The following ACAD10 variants were observed in gnomAD, a reference collection of about 807,000 sequenced individuals.
ACAD10 encodes ACAD-10.
ACAD10 carries 112 observed loss-of-function variants against 116.8 expected under a neutral mutation model. The observed-to-expected ratio is 0.96, with a 90% CI of 0.82 to 1.12. The LOEUF is 1.12. Among genes scored for constraint, ACAD10 ranks in the 50% most tolerant of loss-of-function variants. The pLI, the probability that ACAD10 is intolerant of heterozygous loss-of-function variation, is 0.00. For missense variants in ACAD10, 1,259 were observed against 1,350.2 expected (o/e 0.93, Z 1.06); for synonymous variants, 486 against 510.6 (o/e 0.95, Z 0.65).
chr12:111,702,498 A>AG (rs1888376309), intron 3 of ACAD10, among the ~76,000 whole-genome samples, 188 bp downstream of exon 3: 1 of 152,158 alleles, frequency 6.6e-6, no homozygotes, highest in African/African-American at 2.4e-5. Flanking sequence ...TGGGAGGCCC[A>AG]GGGGGTGGAT....
At chr12:111,710,048 G>A (rs919111138) in intron 5 of ACAD10, 15 of 331,884 alleles carry the variant, frequency 4.5e-5, no homozygotes, top group Admixed American at 4.2e-4. Flanking sequence ...TGTAAAGCAC[G>A]AGAAGCCATG....
At chr12:111,711,301 C>T (rs1380091705) in intron 5 of ACAD10, among the ~76,000 whole-genome samples, 1 of 152,018 alleles carries the variant, frequency 6.6e-6, no homozygotes, top group Non-Finnish European at 1.5e-5. Flanking sequence ...CCTGGGTTCA[C>T]GCCATTCTCC....
Position 111,736,990 on chromosome 12 carries a change from A to G in ACAD10, c.1700A>G (p.Lys567Arg), listed in dbSNP as rs1340682813. 15 of 1,613,578 alleles carry G rather than the reference A, an allele frequency of 9.3e-6. No homozygotes were observed. Among genetic ancestry groups the G allele is most frequent in the Admixed American group, 1.7e-5 (1 of 59,954 alleles). Reference protein sequence around the residue: ...RVAAILQGVYKRSLTGQASST... With the variant: ...RVAAILQGVYRRSLTGQASST... The stretch of plus-strand genomic sequence containing the variant: ...GCTGCAATCCTACAGGGAGTCTACA[A>G]GCGATCACTCACAGGTAATGGGATG... The change falls in exon 12 of 21, where the codon AAG becomes AGG. Residue 567 changes from lysine (K) to arginine (R), a missense_variant. By Grantham distance (26) the Lys-to-Arg change is conservative. Coordinates refer to ENST00000313698, the MANE Select transcript of ACAD10 (RefSeq NM_025247.6).
chr12:111,722,081 G>C (rs1311717110), intron 8 of ACAD10: 1 of 160,024 alleles, frequency 6.2e-6, no homozygotes, highest in Non-Finnish European at 1.3e-5. Context: ...CTGTCACCCA[G>C]ACTGGAGTCT....
chr12:111,708,133 C>T (rs1318178910), intron 4 of ACAD10, among the ~76,000 whole-genome samples: 1 of 152,210 alleles, frequency 6.6e-6, no homozygotes, highest in East Asian at 1.9e-4. Context: ...AAAACACTGA[C>T]CTTGTTCCCA....
chr12:111,748,377 CA>C lies in ACAD10; in HGVS notation c.2548del (p.Arg850AspfsTer17). The stretch of plus-strand genomic sequence containing the variant: ...ATGGGAAAAACAGACCCACATGCAC[CA>C]AGACACCGGCAGCAGTCTGTGCTCT... ...VFMGKTDPHA[P>X]RHRQQSVLLV... On this transcript the variant is annotated frameshift_variant, in exon 17 of 21. Transcript: ENST00000313698. LOFTEE classifies it high-confidence loss of function. The C allele has an allele frequency of 6.2e-7, 1 of 1,614,110 alleles. No individual in the cohort carries two copies. Among genetic ancestry groups the C allele is most frequent in the Non-Finnish European group, 8.5e-7 (1 of 1,180,026 alleles).
At chr12:111,728,501 C>T (rs1281717058) in intron 9 of ACAD10, among the ~76,000 whole-genome samples, 2 of 151,494 alleles carry the variant, frequency 1.3e-5, no homozygotes, top group African/African-American at 2.4e-5. Flanking sequence ...TATTTTTCTC[C>T]GTTTTTTACC....
At position 111,726,958 on chromosome 12, in the gene ACAD10, G is replaced by T. The variant is rs1170403694; in HGVS notation, c.1062-1004G>T. 2.0e-5 allele frequency among the ~76,000 whole-genome samples: 3 copies of T among 152,178 alleles called. No individual in the cohort carries two copies. The East Asian group carries it at 5.8e-4, about 29-fold the overall frequency. ...AACCTGGTTCCAACCAGGTGCAGTG[G>T]CTCACACACGTAATCCCAACACTTT... is the stretch of plus-strand genomic sequence containing the variant. On this transcript the variant is annotated intron_variant, in intron 8 of 20. Transcript: ENST00000313698.
chr12:111,744,403 C>T (rs1889830002), intron 12 of ACAD10, among the ~76,000 whole-genome samples: 1 of 152,212 alleles, frequency 6.6e-6, no homozygotes, highest in Non-Finnish European at 1.5e-5. Flanking sequence ...CCCTAACTTC[C>T]AGCTCGTCCA....
chr12:111,710,969 G>A (rs556854601), intron 5 of ACAD10, among the ~76,000 whole-genome samples: 115 of 152,126 alleles, frequency 7.6e-4, no homozygotes, highest in Non-Finnish European at 1.3e-3. Flanking sequence ...GTGTGGTTAG[G>A]AGTTAAATGG....
intron 6 of ACAD10, among the ~76,000 whole-genome samples, chr12:111,713,933 C>T (rs193017167): frequency 0.015 from 2,311 of 150,262 alleles, 67 homozygotes; most frequent in African/African-American, 0.053. Context: ...ACTCCGTCCC[C>T]CCCCCAAAAA....
intron 18 of ACAD10, 33 bp downstream of exon 18, chr12:111,749,378 C>G (rs770178383): frequency 2.5e-6 from 4 of 1,587,676 alleles, no homozygotes; most frequent in Non-Finnish European, 3.4e-6. Context: ...AGCACTGACT[C>G]AGAACCACCA....
chr12:111,744,844 T>C lies in ACAD10; in HGVS notation c.1916T>C (p.Val639Ala), dbSNP rs998474855. Reference protein sequence around the residue: ...CPTGSRSYSSVPEASPAHTSR... With the variant: ...CPTGSRSYSSAPEASPAHTSR... ...ACAGGCAGCAGGAGTTATAGCTCCGTTCCAGAAGCTTCCCCAGCTCATACC... is the reference window on the plus strand; with the variant it reads ...ACAGGCAGCAGGAGTTATAGCTCCGCTCCAGAAGCTTCCCCAGCTCATACC... Residue 639 changes from valine (V) to alanine (A), a missense_variant, in exon 13 of 21, where the codon GTT becomes GCT. Coordinates refer to ENST00000313698, the MANE Select transcript of ACAD10 (RefSeq NM_025247.6). 5.0e-6 allele frequency: 8 copies of C among 1,614,222 alleles called. No individual in the cohort carries two copies. The highest frequency in any genetic ancestry group is 3.3e-4 in the Middle Eastern group (2 of 6,062).
intron 1 of ACAD10, among the ~76,000 whole-genome samples, chr12:111,689,084 G>A (rs924486029): frequency 6.6e-6 from 1 of 152,030 alleles, no homozygotes; most frequent in East Asian, 1.9e-4. Flanking sequence ...CCAGCTACTC[G>A]GGAGGCTGAG....
chr12:111,741,489 G>A (rs1244944027), intron 12 of ACAD10, among the ~76,000 whole-genome samples: 1 of 152,158 alleles, frequency 6.6e-6, no homozygotes, highest in Non-Finnish European at 1.5e-5. Flanking sequence ...GATCCTGTGA[G>A]CCATCGTTGT....
rs1050271995 is a variant in ACAD10 at position 111,702,228 on chromosome 12, A to G, written c.254A>G (p.Asn85Ser). The G allele has an allele frequency of 3.7e-6, 6 of 1,613,998 alleles. No homozygotes were observed. The African/African-American group carries it at 8.0e-5, about 22-fold the overall frequency. The change falls in exon 3 of 21, where the codon AAT becomes AGT. Residue 85 changes from asparagine to serine, a missense_variant. Physicochemically the swap from Asn to Ser is conservative, Grantham distance 46. Coordinates refer to ENST00000313698, the MANE Select transcript of ACAD10 (RefSeq NM_025247.6). ...ILKALMEGGE[N>S]GPWMRFMRAE... Reference sequence around the variant, plus strand: ...AAGGCCTTGATGGAAGGTGGTGAAAATGGGCCCTGGATGAGATTTATGAGA... The same window carrying G: ...AAGGCCTTGATGGAAGGTGGTGAAAGTGGGCCCTGGATGAGATTTATGAGA...
At chr12:111,692,634 G>C in intron 1 of ACAD10, 63 bp from the exon 2 acceptor site, 1 of 1,533,894 alleles carries the variant, frequency 6.5e-7, no homozygotes, top group Non-Finnish European at 8.8e-7. Context: ...CTGAGCTCCA[G>C]GATGGAGGCC....
At chr12:111,701,909 G>A (rs952899137) in intron 2 of ACAD10, among the ~76,000 whole-genome samples, 3 of 152,126 alleles carry the variant, frequency 2.0e-5, no homozygotes, top group Non-Finnish European at 4.4e-5. Context: ...TGCAGTGCCC[G>A]GAGTCCTCTC....
intron 12 of ACAD10, among the ~76,000 whole-genome samples, chr12:111,738,522 A>G (rs1374460022): frequency 6.6e-6 from 1 of 151,732 alleles, no homozygotes; most frequent in African/African-American, 2.4e-5. Flanking sequence ...AACTTTGGGC[A>G]TCACCAAGGA....
Sources: allele counts gnomAD v4.1 joint callset (sites outside exome capture counted in the v4.1 genomes callset), GRCh38; gene constraint gnomAD v4.1.1; transcripts MANE v1.5; gene names NCBI Gene and HGNC (gene_info 2026-07-23, HGNC 2026-07-21).